The following CNDP2 variants were observed in gnomAD, a reference collection of about 807,000 sequenced individuals.
CNDP2 encodes the protein carnosine dipeptidase 2, also known as cytosolic non-specific dipeptidase.
A neutral mutation model predicts 55.0 loss-of-function variants in CNDP2; 38 were observed. That is an observed-to-expected ratio of 0.69 (90% confidence interval 0.53 to 0.90). The LOEUF (loss-of-function observed/expected upper bound fraction) is 0.90, where lower values mean the gene tolerates loss of function less well. Among genes scored for constraint, CNDP2 ranks in the 40% least tolerant of loss-of-function variants. CNDP2 has a pLI of 0.00. For synonymous variants in CNDP2, 241 were observed against 260.2 expected (o/e 0.93, Z 0.71); for missense variants, 607 against 621.7 (o/e 0.98, Z 0.25).
At chr18:74,501,604 G>A (rs746319198) in intron 3 of CNDP2, 132 bp downstream of exon 3, 36 of 1,192,938 alleles carry the variant, frequency 3.0e-5, no homozygotes, top group Non-Finnish European at 3.9e-5. Context: ...AAAAGGAAGG[G>A]CCTGATTTGG....
intron 9 of CNDP2, chr18:74,517,830 T>C (rs535738655): frequency 6.6e-6 from 1 of 152,284 alleles, no homozygotes; most frequent in East Asian, 1.9e-4. Flanking sequence ...AAACATTCTG[T>C]CCATAATATA....
chr18:74,516,203 C>A, intron 8 of CNDP2, 25 bp from the exon 9 acceptor site: 1 of 1,594,908 alleles, frequency 6.3e-7, no homozygotes. Context: ...CCTGAGGTGT[C>A]CCTGACCCTC....
chr18:74,499,805 C>T (rs1978588999), intron 1 of CNDP2, 77 bp from the exon 2 acceptor site: 1 of 513,550 alleles, frequency 1.9e-6, no homozygotes, highest in Non-Finnish European at 3.5e-6. Context: ...CCTGGAGCGT[C>T]TCTGGCTGGG....
rs759172241 is a variant in CNDP2 at position 74,522,369 on chromosome 18, T to C, written c.*2301T>C. 17 of 152,220 alleles carry C rather than the reference T, an allele frequency of 1.1e-4. No homozygotes were observed. Among genetic ancestry groups the C allele is most frequent in the Non-Finnish European group, 2.2e-4 (15 of 68,052 alleles). The allele number at this position is 152,220 out of a possible 1,614,324, so 9.4% of individuals were successfully genotyped here. A position where few individuals can be genotyped will look rare whatever the true frequency, so the allele number is the denominator to read the frequency against. On this transcript the variant is annotated 3_prime_UTR_variant, in exon 12 of 12. Coordinates refer to ENST00000324262, the MANE Select transcript of CNDP2 (RefSeq NM_018235.3). The stretch of plus-strand genomic sequence containing the variant: ...GAACTGCATGGTCTTCCCCCAGAAA[T>C]CCTAAGAGTAGCTGCTGGTGTCTCA...
At position 74,520,737 on chromosome 18, in the gene CNDP2, G is replaced by T. The variant is rs1234042632; in HGVS notation, c.*669G>T. On this transcript the variant is annotated 3_prime_UTR_variant, in exon 12 of 12. Coordinates refer to ENST00000324262, the MANE Select transcript of CNDP2 (RefSeq NM_018235.3). ...CTACTCAGGACACTGACGTAGGAGGGTTGCTTGAGACTGAGAGTTGGAGGC... is the reference window on the plus strand; with the variant it reads ...CTACTCAGGACACTGACGTAGGAGGTTTGCTTGAGACTGAGAGTTGGAGGC... 6.6e-6 allele frequency: 1 copy of T among 152,308 alleles called. No homozygotes were observed. The highest frequency in any genetic ancestry group is 1.9e-4 in the East Asian group (1 of 5,184). The allele number at this position is 152,308 out of a possible 1,614,324, so 9.4% of individuals were successfully genotyped here.
In CNDP2 at chr18:74,512,540, CG is replaced by C; in HGVS notation, c.742+11del. Reference sequence around the variant, plus strand: ...ATCTCATTTTGCTGATGGGTAAGTGCGGGATGGCATTCAGTCCGCAGTTGAG... The same window carrying C: ...ATCTCATTTTGCTGATGGGTAAGTGCGGATGGCATTCAGTCCGCAGTTGAG... On this transcript the variant is annotated intron_variant, in intron 7 of 11. Transcript: ENST00000324262. The C allele has an allele frequency of 6.2e-7, 1 of 1,612,404 alleles. No individual in the cohort carries two copies. Among genetic ancestry groups the C allele is most frequent in the Non-Finnish European group, 8.5e-7 (1 of 1,178,856 alleles).
intron 2 of CNDP2, 155 bp from the exon 3 acceptor site, chr18:74,501,174 C>T (rs1249969194): frequency 7.3e-7 from 1 of 1,377,194 alleles, no homozygotes; most frequent in Non-Finnish European, 9.4e-7. Flanking sequence ...ATCTTTAACC[C>T]AAAGCACACG....
At chr18:74,515,339 G>A (rs1979605088) in intron 8 of CNDP2, among the ~76,000 whole-genome samples, 1 of 152,176 alleles carries the variant, frequency 6.6e-6, no homozygotes, top group Non-Finnish European at 1.5e-5. Context: ...AATAGGAAGA[G>A]AAGGTCCCCA....
rs1291774506 is a variant in CNDP2 at position 74,500,041 on chromosome 18, A to T, written c.60+8A>T. 2 of 1,611,510 alleles carry T rather than the reference A, an allele frequency of 1.2e-6. No individual in the cohort carries two copies. Among genetic ancestry groups the T allele is most frequent in the South Asian group, 1.1e-5 (1 of 90,964 alleles). On this transcript the variant is annotated splice_region_variant and intron_variant, in intron 2 of 11. Transcript: ENST00000324262. Reference sequence around the variant, plus strand: ...CAGGATCGCTACATTAAGGTAAGGGAATATTCATTTTAGGAAACAGTAAAA... The same window carrying T: ...CAGGATCGCTACATTAAGGTAAGGGTATATTCATTTTAGGAAACAGTAAAA...
intron 7 of CNDP2, among the ~76,000 whole-genome samples, chr18:74,512,928 C>T (rs1979437474): frequency 6.6e-6 from 1 of 152,236 alleles, no homozygotes; most frequent in African/African-American, 2.4e-5. Context: ...GGTCCCCCCG[C>T]CTGATCAGCT....
rs531856189 is a variant in CNDP2 at position 74,513,456 on chromosome 18, C to A, written c.743-103C>A. ...AGCCACGTGGCTGTGGGGCCTGAGC[C>A]GCATCTCTCCTGAGCCTGGCTTCCT... On this transcript the variant is annotated intron_variant, in intron 7 of 11. Coordinates refer to ENST00000324262, the MANE Select transcript of CNDP2 (RefSeq NM_018235.3). 8 of 1,271,584 alleles carry A rather than the reference C, an allele frequency of 6.3e-6. No individual in the cohort carries two copies. The East Asian group carries it at 1.9e-4, about 29-fold the overall frequency. 78.8% of individuals were successfully genotyped at this position (1,271,584 alleles called of 1,614,324 possible). A position where few individuals can be genotyped will look rare whatever the true frequency, so the allele number is the denominator to read the frequency against.
intron 4 of CNDP2, chr18:74,508,549 G>A (rs1207763102): frequency 1.4e-5 from 5 of 346,074 alleles, no homozygotes; most frequent in Non-Finnish European, 2.2e-5. Context: ...AGTTAGACTG[G>A]AGGTCTCCAC....
In CNDP2 at chr18:74,520,380, G is replaced by C; in HGVS notation, c.*312G>C. The C allele has an allele frequency of 3.0e-6, 1 of 328,278 alleles. No individual in the cohort carries two copies. Among genetic ancestry groups the C allele is most frequent in the Non-Finnish European group, 5.8e-6 (1 of 172,816 alleles). 20.3% of individuals were successfully genotyped at this position (328,278 alleles called of 1,614,324 possible). On this transcript the variant is annotated 3_prime_UTR_variant, in exon 12 of 12. Transcript: ENST00000324262. ...GCGGAAAGTTCTGGTTGTCGGCCGG[G>C]CACCACGGCTCACACCTATAATCGA...
intron 8 of CNDP2, among the ~76,000 whole-genome samples, chr18:74,514,926 G>C (rs796947039): frequency 6.6e-6 from 1 of 152,340 alleles, no homozygotes; most frequent in South Asian, 2.1e-4. Context: ...ATATGCTGAG[G>C]GCCACGCTGG....
At position 74,505,989 on chromosome 18, in the gene CNDP2, C is replaced by T; in HGVS notation, c.345C>T (p.Pro115=). 1 of 1,598,998 alleles carries T rather than the reference C, an allele frequency of 6.3e-7. No individual in the cohort carries two copies. The highest frequency in any genetic ancestry group is 1.4e-5 in the African/African-American group (1 of 73,906). ...AALEDGWDSE[P]FTLVERDGKL... is the part of the protein sequence containing the mutation. ...TGGAGGACGGCTGGGACAGCGAGCC[C>T]TTCACCCTGGTGGAGCGAGACGGTG... is the stretch of plus-strand genomic sequence containing the variant. The change falls in exon 4 of 12, where the codon CCC becomes CCT. Residue 115 remains proline, a synonymous_variant. Transcript: ENST00000324262.
At position 74,508,848 on chromosome 18, in the gene CNDP2, T is replaced by C. The variant is rs2278161; in HGVS notation, c.376T>C (p.Tyr126His). Residue 126 changes from tyrosine (Y) to histidine (H), a missense_variant, in exon 5 of 12, where the codon TAT (tyrosine) becomes CAT (histidine). Coordinates refer to ENST00000324262, the MANE Select transcript of CNDP2 (RefSeq NM_018235.3). ...GTGGATTGCTGTTCTAGGCAAGCTG[T>C]ATGGGAGAGGTTCGACTGATGATAA... ...FTLVERDGKL[Y>H]GRGSTDDKGP... The C allele has an allele frequency of 0.23, 366,719 of 1,612,658 alleles. 43,585 individuals are homozygous for C. Among genetic ancestry groups the C allele is most frequent in the Admixed American group, 0.33 (19,965 of 59,976 alleles).
chr18:74,506,109 A>G, intron 4 of CNDP2, 98 bp downstream of exon 4: 2 of 1,032,294 alleles, frequency 1.9e-6, no homozygotes, highest in Non-Finnish European at 2.5e-6. Flanking sequence ...GACTGTTTTT[A>G]TTTTATTTTA....
chr18:74,516,652 C>T (rs1979688229), intron 9 of CNDP2: 3 of 451,114 alleles, frequency 6.7e-6, no homozygotes, highest in Non-Finnish European at 1.2e-5. Context: ...CCAGGCCAAA[C>T]ACCAACTTTG....
At chr18:74,504,342 G>T (rs1348070834) in intron 3 of CNDP2, among the ~76,000 whole-genome samples, 2 of 151,946 alleles carry the variant, frequency 1.3e-5, no homozygotes, top group Non-Finnish European at 1.5e-5. Flanking sequence ...CACTGCACAC[G>T]CAGCCACACT....
Sources: gnomAD v4.1 joint callset for allele counts (sites outside exome capture counted in the v4.1 genomes callset) on GRCh38, gnomAD v4.1.1 for gene constraint, MANE v1.5 for transcripts, NCBI Gene and HGNC (gene_info 2026-07-23, HGNC 2026-07-21) for gene names.